Variants in SEMA6A observed in about 807,000 individuals in gnomAD.
The protein encoded by SEMA6A is semaphorin 6A, also known as semaphorin-6A.
A neutral mutation model predicts 96.8 loss-of-function variants in SEMA6A; 25 were observed. The ratio of observed to expected loss-of-function variants is 0.26; its 90% CI spans 0.19 to 0.36. The LOEUF (loss-of-function observed/expected upper bound fraction) is 0.36. Among genes scored for constraint, SEMA6A ranks in the 10% least tolerant of loss-of-function variants. The probability of loss-of-function intolerance (pLI) is 1.00; values close to 1 mark genes in which losing one functional copy is unlikely to be tolerated. For synonymous variants in SEMA6A, 612 were observed against 518.0 expected, an observed-to-expected ratio of 1.18 and a Z score of -2.46; for missense variants, 1,363 against 1,323.1, an observed-to-expected ratio of 1.03 and a Z score of -0.47.
At chr5:116,455,555 C>T (rs1219506667) in intron 18 of SEMA6A, among the ~76,000 whole-genome samples, 1 of 152,160 alleles carries the variant, frequency 6.6e-6, no homozygotes, top group Non-Finnish European at 1.5e-5. Context: ...TCTCAAAAGG[C>T]ATCAAAGCCA....
At chr5:116,469,167 G>C (rs1461839318) in intron 17 of SEMA6A, 2 of 152,148 alleles carry the variant, frequency 1.3e-5, no homozygotes, top group Non-Finnish European at 2.9e-5. Context: ...TGGTAACATT[G>C]AAGAGGTCCC....
intron 1 of SEMA6A, among the ~76,000 whole-genome samples, chr5:116,543,384 T>C (rs1385469563): frequency 3.9e-5 from 6 of 152,244 alleles, no homozygotes; most frequent in Admixed American, 1.3e-4. Context: ...TCATGTTCAC[T>C]GCAGATGTGT....
intron 16 of SEMA6A, 45 bp from the exon 17 acceptor site, chr5:116,473,138 C>T (rs749507308): frequency 2.6e-6 from 4 of 1,565,416 alleles, no homozygotes; most frequent in Non-Finnish European, 3.5e-6. Context: ...GTTTTACGCT[C>T]TGCTTGGGGC....
chr5:116,563,518 C>CA (rs1421244415), intron 1 of SEMA6A, among the ~76,000 whole-genome samples: 2 of 152,112 alleles, frequency 1.3e-5, no homozygotes, highest in African/African-American at 4.8e-5. Flanking sequence ...ATACAGCCTC[C>CA]AAGGCACACA....
chr5:116,495,676 G>A, intron 5 of SEMA6A, 162 bp from the exon 6 acceptor site: 1 of 570,018 alleles, frequency 1.8e-6, no homozygotes, highest in East Asian at 2.9e-5. Flanking sequence ...ACAAGATGAT[G>A]CCGACATCAA....
At chr5:116,573,579 C>T (rs1761328912) in intron 1 of SEMA6A, among the ~76,000 whole-genome samples, 1 of 152,048 alleles carries the variant, frequency 6.6e-6, no homozygotes, top group Admixed American at 6.6e-5. Context: ...AGAGACAGGG[C>T]GCGCGGGTGC....
rs769576529 is a variant in SEMA6A, at chr5:116,447,535, G to A, written c.2171C>T (p.Thr724Met). 3.7e-6 allele frequency: 6 copies of A among 1,613,962 alleles called. No homozygotes were observed. Among genetic ancestry groups the A allele is most frequent in the South Asian group, 1.1e-5 (1 of 91,084 alleles). Residue 724 changes from threonine to methionine, a missense_variant, in exon 19 of 19, where the codon ACG (threonine) becomes ATG (methionine). Physicochemically the swap from Thr to Met is moderately conservative, Grantham distance 81 (BLOSUM62 -1). This residue lies in a region of SEMA6A where 883 missense variants were observed against 763.6 expected (regional missense o/e 1.16). Coordinates refer to ENST00000343348, the MANE Select transcript of SEMA6A (RefSeq NM_020796.5). ...GAGCTTGCCGTTGTGCATGAGTGGCGTGAGGATGGCCTCCGGCTTTGGGTC... is the reference window on the plus strand; with the variant it reads ...GAGCTTGCCGTTGTGCATGAGTGGCATGAGGATGGCCTCCGGCTTTGGGTC... ...SKDPKPEAIL[T>M]PLMHNGKLAT... is the part of the protein sequence containing the mutation.
chr5:116,557,089 A>G (rs553945990), intron 1 of SEMA6A, among the ~76,000 whole-genome samples: 1 of 152,352 alleles, frequency 6.6e-6, no homozygotes, highest in Admixed American at 6.5e-5. Flanking sequence ...AATAATCTTT[A>G]AAGTGCTTGG....
At chr5:116,527,641 A>T (rs1425212669) in intron 1 of SEMA6A, among the ~76,000 whole-genome samples, 2 of 152,194 alleles carry the variant, frequency 1.3e-5, no homozygotes, top group East Asian at 3.8e-4. Context: ...ATGTATACAA[A>T]TGTTTTTCTA....
chr5:116,451,894 A>G (rs981793726), intron 18 of SEMA6A, among the ~76,000 whole-genome samples: 1 of 152,212 alleles, frequency 6.6e-6, no homozygotes, highest in African/African-American at 2.4e-5. Context: ...GTTCTGGGAA[A>G]AATCCAAAAG....
At chr5:116,454,977 T>C (rs1406403126) in intron 18 of SEMA6A, among the ~76,000 whole-genome samples, 2 of 152,182 alleles carry the variant, frequency 1.3e-5, no homozygotes, top group African/African-American at 4.8e-5. Flanking sequence ...ATTCAGAAGC[T>C]ATTTTAAAAC....
chr5:116,525,534 A>G (rs1193967244), intron 1 of SEMA6A, among the ~76,000 whole-genome samples: 1 of 152,136 alleles, frequency 6.6e-6, no homozygotes. Context: ...TTTCCTAAAA[A>G]CATTTTCCTA....
intron 1 of SEMA6A, among the ~76,000 whole-genome samples, chr5:116,505,446 GACAC>G (rs1203458681): frequency 7.8e-6 from 1 of 127,760 alleles, no homozygotes; most frequent in Non-Finnish European, 1.6e-5. Context: ...CAGGTACACA[GACAC>G]ACGCACGCGC....
chr5:116,541,806 C>A lies in SEMA6A; in HGVS notation c.-39+32379G>T, dbSNP rs192375748. Among the ~76,000 whole-genome samples the A allele has an allele frequency of 1.8e-4, 28 of 152,240 alleles. 1 individual carries two copies. The highest frequency in any genetic ancestry group is 5.2e-4 in the Admixed American group (8 of 15,292). ...TGAGATCACGCCACTGCACTCCAGC[C>A]TGGGCGACAGAATGGGACTCCATCT... is the stretch of plus-strand genomic sequence containing the variant. On this transcript the variant is annotated intron_variant, in intron 1 of 18. Coordinates refer to ENST00000343348, the MANE Select transcript of SEMA6A (RefSeq NM_020796.5).
intron 18 of SEMA6A, chr5:116,449,537 C>A (rs1754494995): frequency 3.6e-6 from 2 of 549,714 alleles, no homozygotes; most frequent in South Asian, 2.4e-5. Flanking sequence ...GGGGGTTTTT[C>A]TGCTAAAATA....
At chr5:116,472,361 A>G (rs171797) in intron 17 of SEMA6A, 84,985 of 152,088 alleles carry the variant, frequency 0.56, 24,902 homozygotes, top group East Asian at 0.78. Context: ...CTGAAAACAT[A>G]TCTAAATATT....
At chr5:116,512,311 C>G (rs908370679) in intron 1 of SEMA6A, among the ~76,000 whole-genome samples, 1 of 152,150 alleles carries the variant, frequency 6.6e-6, no homozygotes, top group Non-Finnish European at 1.5e-5. Flanking sequence ...AAGGTTCGGG[C>G]AAATGAGAAA....
chr5:116,450,845 A>G (rs1275594437), intron 18 of SEMA6A, among the ~76,000 whole-genome samples: 1 of 152,222 alleles, frequency 6.6e-6, no homozygotes, highest in Non-Finnish European at 1.5e-5. Context: ...TCAGAGAGTA[A>G]GTTGAAAGTG....
chr5:116,485,527 T>C (rs551173923), intron 10 of SEMA6A, among the ~76,000 whole-genome samples: 1 of 152,328 alleles, frequency 6.6e-6, no homozygotes, highest in African/African-American at 2.4e-5. Context: ...TACGGGTTCG[T>C]ATTTTCATAT....
Sources: allele counts gnomAD v4.1 joint callset (sites outside exome capture counted in the v4.1 genomes callset), GRCh38; gene constraint gnomAD v4.1.1; regional missense constraint gnomAD v4.1.1; transcripts MANE v1.5; gene names NCBI Gene and HGNC (gene_info 2026-07-23, HGNC 2026-07-21).